The following CAMTA1 variants were observed in gnomAD, a reference collection of about 807,000 sequenced individuals.
CAMTA1 encodes the protein calmodulin-binding transcription activator 1.
CAMTA1 carries 27 observed loss-of-function variants against 170.9 expected under a neutral mutation model. The ratio of observed to expected loss-of-function variants is 0.16; its 90% CI spans 0.12 to 0.22. The LOEUF (loss-of-function observed/expected upper bound fraction) is 0.22. Ranked by LOEUF, CAMTA1 falls within the 10% of genes least tolerant of loss-of-function variation. The pLI is 1.00. For missense variants in CAMTA1, 1,619 were observed against 2,217.2 expected (o/e 0.73, Z 5.42); for synonymous variants, 833 against 891.5 (o/e 0.93, Z 1.17).
At chr1:6,856,530 G>T (rs568994024) in intron 3 of CAMTA1, among the ~76,000 whole-genome samples, 1 of 152,160 alleles carries the variant, frequency 6.6e-6, no homozygotes, top group South Asian at 2.1e-4. Context: ...CTAGTCACTG[G>T]GGGGATAGAT....
rs535706694 is a variant in CAMTA1 at position 7,438,792 on chromosome 1, G to A, written c.439-29038G>A. Among the ~76,000 whole-genome samples, 177 of 152,298 alleles carry A rather than the reference G, an allele frequency of 1.2e-3. 1 individual carries two copies. Among genetic ancestry groups the A allele is most frequent in the African/African-American group, 4.0e-3 (165 of 41,564 alleles). ...AGAAAGAGCATGGCCTGTGGAGCCCGGAAGGCCTGACCTGCTGTTACTGAG... is the reference window on the plus strand; with the variant it reads ...AGAAAGAGCATGGCCTGTGGAGCCCAGAAGGCCTGACCTGCTGTTACTGAG... On this transcript the variant is annotated intron_variant, in intron 5 of 22. Transcript: ENST00000303635.
In CAMTA1 at chr1:7,555,882, G is replaced by A. The variant is rs75862443; in HGVS notation, c.511-84518G>A. Among the ~76,000 whole-genome samples the A allele has an allele frequency of 4.6e-5, 7 of 152,174 alleles. No homozygotes were observed. The East Asian group carries it at 7.7e-4, about 17-fold the overall frequency. On this transcript the variant is annotated intron_variant, in intron 6 of 22. Coordinates refer to ENST00000303635, the MANE Select transcript of CAMTA1 (RefSeq NM_015215.4). ...TCTCACACCAGCTCCAATCTAAGCCGCTAGGGCCCTTTTTTCCAAATGCGG... is the reference window on the plus strand; with the variant it reads ...TCTCACACCAGCTCCAATCTAAGCCACTAGGGCCCTTTTTTCCAAATGCGG...
At chr1:6,864,334 G>A (rs1665833904) in intron 3 of CAMTA1, among the ~76,000 whole-genome samples, 1 of 152,150 alleles carries the variant, frequency 6.6e-6, no homozygotes, top group African/African-American at 2.4e-5. Context: ...ACGGTATTGA[G>A]CGATCTTCTG....
chr1:7,411,903 C>A (rs2090795118), intron 5 of CAMTA1, among the ~76,000 whole-genome samples: 1 of 119,776 alleles, frequency 8.3e-6, no homozygotes, highest in African/African-American at 3.2e-5. Flanking sequence ...TGCTATCCCT[C>A]CCCCCTCCCC....
chr1:6,892,597 C>CTTTTTTTTT (rs70984032), intron 3 of CAMTA1, among the ~76,000 whole-genome samples: 1 of 120,876 alleles, frequency 8.3e-6, no homozygotes, highest in African/African-American at 3.2e-5. Flanking sequence ...TTTTTCTTTT[C>CTTTTTTTTT]TTTTTTTTTT....
At chr1:7,714,374 G>T (rs2096593710) in intron 11 of CAMTA1, among the ~76,000 whole-genome samples, 1 of 152,170 alleles carries the variant, frequency 6.6e-6, no homozygotes, top group Admixed American at 6.5e-5. Flanking sequence ...GAGCATCCGA[G>T]AGCTGTGAAG....
intron 4 of CAMTA1, among the ~76,000 whole-genome samples, chr1:7,181,476 C>G (rs1334316743): frequency 2.0e-5 from 3 of 152,098 alleles, no homozygotes; most frequent in Non-Finnish European, 4.4e-5. Context: ...TGATAGTATA[C>G]TGGGATAACC....
chr1:7,658,404 A>G (rs920586211), intron 7 of CAMTA1, among the ~76,000 whole-genome samples: 1 of 152,084 alleles, frequency 6.6e-6, no homozygotes, highest in African/African-American at 2.4e-5. Context: ...GCCTCTGCAG[A>G]GCTCTAAAAA....
chr1:7,595,556 C>T (rs987358207), intron 6 of CAMTA1, among the ~76,000 whole-genome samples: 2 of 152,180 alleles, frequency 1.3e-5, no homozygotes, highest in South Asian at 2.1e-4. Context: ...GCCCGGACAC[C>T]GCCGGGGATG....
At chr1:6,859,284 C>T (rs1663731366) in intron 3 of CAMTA1, among the ~76,000 whole-genome samples, 1 of 152,022 alleles carries the variant, frequency 6.6e-6, no homozygotes, top group Non-Finnish European at 1.5e-5. Flanking sequence ...ATTTATACAC[C>T]ATGTTGTGGA....
chr1:6,999,977 C>G (rs1424139784), intron 3 of CAMTA1, among the ~76,000 whole-genome samples: 1 of 152,236 alleles, frequency 6.6e-6, no homozygotes, highest in Non-Finnish European at 1.5e-5. Flanking sequence ...GTCCCCCAAC[C>G]AAGGGGTGGA....
chr1:7,335,139 TGGGGGGGGGGG>T (rs1557537211), intron 5 of CAMTA1, among the ~76,000 whole-genome samples: 2 of 54,778 alleles, frequency 3.7e-5, no homozygotes, highest in Admixed American at 1.9e-4. Context: ...TGTGTGTGTG[TGGGGGGGGGGG>T]GGGGGGGTGG....
intron 6 of CAMTA1, among the ~76,000 whole-genome samples, chr1:7,512,521 G>A (rs563068184): frequency 6.6e-6 from 1 of 152,358 alleles, no homozygotes; most frequent in Admixed American, 6.5e-5. Flanking sequence ...CTGTGTCCAG[G>A]CTGAGGGGTG....
At chr1:6,921,348 C>A (rs747176037) in intron 3 of CAMTA1, among the ~76,000 whole-genome samples, 25 of 152,170 alleles carry the variant, frequency 1.6e-4, no homozygotes, top group Non-Finnish European at 3.1e-4. Context: ...CATCTGAGAC[C>A]ACCTCAACCT....
At chr1:7,280,055 C>T (rs1464485101) in intron 5 of CAMTA1, among the ~76,000 whole-genome samples, 2 of 152,190 alleles carry the variant, frequency 1.3e-5, no homozygotes, top group Non-Finnish European at 2.9e-5. Context: ...AGACAGACCT[C>T]TCAGCCCTCT....
At chr1:6,948,887 G>A (rs1269196547) in intron 3 of CAMTA1, among the ~76,000 whole-genome samples, 1 of 152,158 alleles carries the variant, frequency 6.6e-6, no homozygotes, top group Non-Finnish European at 1.5e-5. Flanking sequence ...AACAAAGATG[G>A]ATAAAAGAGC....
intron 3 of CAMTA1, among the ~76,000 whole-genome samples, chr1:6,945,133 G>A (rs1041305701): frequency 7.9e-5 from 12 of 152,066 alleles, no homozygotes; most frequent in African/African-American, 2.9e-4. Flanking sequence ...CATATGATGG[G>A]TACTCAAATA....
intron 4 of CAMTA1, among the ~76,000 whole-genome samples, chr1:7,239,635 ATTTTTT>A (rs34166595): frequency 1.9e-5 from 2 of 103,964 alleles, no homozygotes; most frequent in Non-Finnish European, 3.7e-5. Context: ...TTCAAGGTCA[ATTTTTT>A]TTTTTTTTTT....
chr1:7,532,162 C>T lies in CAMTA1; in HGVS notation c.510+64261C>T, dbSNP rs549572441. On this transcript the variant is annotated intron_variant, in intron 6 of 22. Coordinates refer to ENST00000303635, the MANE Select transcript of CAMTA1 (RefSeq NM_015215.4). This position sits in a 1 kb window ranked among gnomAD's most constrained non-coding sequence, Gnocchi z 4.2. Reference sequence around the variant, plus strand: ...CCCACCCGAGCCCTAAGCTGCAGCCCTTGGGACGTCTCCATTGAGCCAGTC... The same window carrying T: ...CCCACCCGAGCCCTAAGCTGCAGCCTTTGGGACGTCTCCATTGAGCCAGTC... Among the ~76,000 whole-genome samples the T allele has an allele frequency of 6.6e-6, 1 of 152,166 alleles. No individual in the cohort carries two copies. Among genetic ancestry groups the T allele is most frequent in the African/African-American group, 2.4e-5 (1 of 41,464 alleles).
Sources: allele counts gnomAD v4.1 joint callset (sites outside exome capture counted in the v4.1 genomes callset), GRCh38; gene constraint gnomAD v4.1.1; non-coding constraint Gnocchi (gnomAD v3.1); transcripts MANE v1.5; gene names NCBI Gene and HGNC (gene_info 2026-07-23, HGNC 2026-07-21).